Variants in AGBL4 observed in about 807,000 individuals in gnomAD.
The protein encoded by AGBL4 is AGBL carboxypeptidase 4.
In AGBL4, 58 loss-of-function variants were observed where a neutral mutation model predicts 66.4. The observed-to-expected ratio is 0.87, with a 90% CI of 0.71 to 1.09. The LOEUF is 1.09. AGBL4 is among the 50% of genes least tolerant of loss of function. The pLI, the probability that AGBL4 is intolerant of heterozygous loss-of-function variation, is 0.00. For missense variants in AGBL4, 579 were observed against 631.0 expected (o/e 0.92, Z 0.88); for synonymous variants, 234 against 222.9 (o/e 1.05, Z -0.44).
chr1:49,158,949 ATGTATGTCTT>A (rs1646488496), intron 4 of AGBL4, among the ~76,000 whole-genome samples: 1 of 145,984 alleles, frequency 6.9e-6, no homozygotes, highest in African/African-American at 2.6e-5. Flanking sequence ...TTTTGAGCCT[ATGTATGTCTT>A]TGCATACGAG....
chr1:49,322,894 G>A (rs1570433229), intron 3 of AGBL4, among the ~76,000 whole-genome samples: 1 of 152,168 alleles, frequency 6.6e-6, no homozygotes, highest in Non-Finnish European at 1.5e-5. Flanking sequence ...ATAATGGGAA[G>A]CAAATATAAC....
chr1:49,932,515 CA>C (rs1443483104), intron 1 of AGBL4, among the ~76,000 whole-genome samples: 4 of 151,946 alleles, frequency 2.6e-5, no homozygotes, highest in Admixed American at 2.0e-4. Flanking sequence ...TGGACTTAAT[CA>C]AAATTAGGAA....
intron 9 of AGBL4, among the ~76,000 whole-genome samples, chr1:48,600,181 C>CACATACTGTGTCA (rs1428871297): frequency 6.6e-6 from 1 of 152,124 alleles, no homozygotes; most frequent in Non-Finnish European, 1.5e-5. Flanking sequence ...TAGGGCCTGA[C>CACATACTGTGTCA]ACACAGTAAG....
chr1:49,634,451 T>C (rs1008513584), intron 3 of AGBL4, among the ~76,000 whole-genome samples: 5 of 152,206 alleles, frequency 3.3e-5, no homozygotes, highest in African/African-American at 1.2e-4. Flanking sequence ...ATCTTCTTTA[T>C]CCAGTCTATC....
At chr1:50,017,239 TTAATAA>T (rs1176153037) in intron 1 of AGBL4, 2 of 152,110 alleles carry the variant, frequency 1.3e-5, no homozygotes, top group Non-Finnish European at 2.9e-5. Flanking sequence ...ATTTTCATCC[TTAATAA>T]TAATAACGGC....
chr1:49,605,828 A>G (rs1248112899), intron 3 of AGBL4, among the ~76,000 whole-genome samples: 1 of 152,120 alleles, frequency 6.6e-6, no homozygotes, highest in East Asian at 1.9e-4. Flanking sequence ...CGAAATACTA[A>G]AAGATAAACT....
chr1:49,231,643 T>A (rs1439719764), intron 4 of AGBL4, among the ~76,000 whole-genome samples: 1 of 152,138 alleles, frequency 6.6e-6, no homozygotes, highest in Non-Finnish European at 1.5e-5. Flanking sequence ...CATTACTCAC[T>A]CATACACATA....
intron 3 of AGBL4, among the ~76,000 whole-genome samples, chr1:49,508,510 C>T (rs1648898174): frequency 6.6e-6 from 1 of 151,792 alleles, no homozygotes; most frequent in South Asian, 2.1e-4. Context: ...ACTGAGGGCC[C>T]ACGCAGAGGA....
chr1:50,002,621 G>A (rs1025955439), intron 1 of AGBL4, among the ~76,000 whole-genome samples: 5 of 151,660 alleles, frequency 3.3e-5, no homozygotes, highest in Non-Finnish European at 1.5e-5. Context: ...CGCCCGCCTC[G>A]GCCTCCCAAA....
intron 4 of AGBL4, among the ~76,000 whole-genome samples, chr1:49,212,731 G>T (rs1201252390): frequency 6.6e-6 from 1 of 152,058 alleles, no homozygotes; most frequent in Non-Finnish European, 1.5e-5. Flanking sequence ...TCCCCCTGAG[G>T]TAACAATTAA....
At chr1:49,145,396 C>G (rs1335787365) in intron 4 of AGBL4, among the ~76,000 whole-genome samples, 1 of 152,110 alleles carries the variant, frequency 6.6e-6, no homozygotes, top group African/African-American at 2.4e-5. Flanking sequence ...TTAGAGCCAC[C>G]AATGAGTATC....
At chr1:49,575,102 C>T (rs576554671) in intron 3 of AGBL4, among the ~76,000 whole-genome samples, 2 of 152,208 alleles carry the variant, frequency 1.3e-5, no homozygotes, top group East Asian at 3.9e-4. Context: ...GGCATTTTGT[C>T]AGTGTAACTG....
chr1:49,669,084 T>C (rs1646425321), intron 3 of AGBL4, among the ~76,000 whole-genome samples: 1 of 152,166 alleles, frequency 6.6e-6, no homozygotes, highest in Admixed American at 6.6e-5. Flanking sequence ...GCAATGATCT[T>C]TACAACATAG....
intron 5 of AGBL4, among the ~76,000 whole-genome samples, chr1:48,922,170 CT>C (rs1415078308): frequency 2.6e-5 from 4 of 152,152 alleles, no homozygotes. Context: ...GCTCTGGCCC[CT>C]GTTCTTGCTA....
chr1:49,280,113 C>T (rs182734540), intron 3 of AGBL4, among the ~76,000 whole-genome samples: 1 of 152,040 alleles, frequency 6.6e-6, no homozygotes, highest in Non-Finnish European at 1.5e-5. Context: ...TTGGACCTGC[C>T]AGCTACTACT....
At chr1:48,576,279 T>C (rs1644652546) in intron 11 of AGBL4, among the ~76,000 whole-genome samples, 1 of 152,182 alleles carries the variant, frequency 6.6e-6, no homozygotes, top group South Asian at 2.1e-4. Flanking sequence ...CTTTTAAGAA[T>C]ATAACTGATG....
At chr1:49,070,492 T>G (rs1229088953) in intron 4 of AGBL4, among the ~76,000 whole-genome samples, 1 of 151,992 alleles carries the variant, frequency 6.6e-6, no homozygotes, top group African/African-American at 2.4e-5. Flanking sequence ...GAGCTAATCA[T>G]GTGGTTTTTG....
intron 11 of AGBL4, among the ~76,000 whole-genome samples, chr1:48,582,030 A>T (rs1300377562): frequency 6.6e-6 from 1 of 152,154 alleles, no homozygotes; most frequent in Non-Finnish European, 1.5e-5. Flanking sequence ...CCAAAAAATG[A>T]ACTCTGCATA....
chr1:49,526,304 T>C (rs939433157), intron 3 of AGBL4, among the ~76,000 whole-genome samples: 4 of 151,626 alleles, frequency 2.6e-5, no homozygotes, highest in African/African-American at 9.7e-5. Flanking sequence ...ATCTGGAGAG[T>C]CTGGCCTATT....
Sources: allele counts gnomAD v4.1 joint callset (sites outside exome capture counted in the v4.1 genomes callset), GRCh38; gene constraint gnomAD v4.1.1; transcripts MANE v1.5; gene names NCBI Gene and HGNC (gene_info 2026-07-23, HGNC 2026-07-21).